STEAP3: variants seen among roughly 807,000 people sequenced by gnomAD.
STEAP3 encodes the protein STEAP3 metalloreductase.
In STEAP3, 35 loss-of-function variants were observed where a neutral mutation model predicts 34.9. That is an observed-to-expected ratio of 1.00 (90% CI 0.76 to 1.33). The LOEUF is 1.33. STEAP3 is among the 40% of genes most tolerant of loss of function. STEAP3 has a pLI of 0.00. For synonymous variants in STEAP3, 281 were observed against 301.6 expected, an observed-to-expected ratio of 0.93 and a Z score of 0.71; for missense variants, 652 against 667.6, an observed-to-expected ratio of 0.98 and a Z score of 0.26.
At chr2:119,251,622 A>C (rs1677628784) in intron 4 of STEAP3, among the ~76,000 whole-genome samples, 1 of 152,122 alleles carries the variant, frequency 6.6e-6, no homozygotes, top group South Asian at 2.1e-4. Context: ...CTCTCATCTG[A>C]CCATGTCACT....
intron 5 of STEAP3, among the ~76,000 whole-genome samples, chr2:119,262,798 G>A (rs1677980635): frequency 1.3e-5 from 2 of 152,204 alleles, no homozygotes; most frequent in Non-Finnish European, 1.5e-5. Context: ...TATGGAATCC[G>A]TGTGAATTGG....
intron 2 of STEAP3, among the ~76,000 whole-genome samples, chr2:119,235,338 A>T (rs1250852153): frequency 6.6e-6 from 1 of 152,184 alleles, no homozygotes; most frequent in African/African-American, 2.4e-5. Context: ...GACAGCATGG[A>T]TACTCGAAGC....
intron 5 of STEAP3, among the ~76,000 whole-genome samples, chr2:119,255,147 T>C (rs1311690945): frequency 6.6e-6 from 1 of 152,172 alleles, no homozygotes; most frequent in Non-Finnish European, 1.5e-5. Context: ...TTCTTGAGCT[T>C]TCCAAACAAA....
At chr2:119,243,841 G>T (rs1026562182) in intron 2 of STEAP3, among the ~76,000 whole-genome samples, 1 of 152,182 alleles carries the variant, frequency 6.6e-6, no homozygotes, top group Admixed American at 6.5e-5. Flanking sequence ...CCATCTTTAT[G>T]TCAGTCCCTG....
rs865997066 is a variant in STEAP3 at position 119,245,665 on chromosome 2, G to A, written c.199G>A (p.Gly67Arg). The change falls in exon 3 of 6, where the codon GGG becomes AGG. Residue 67 changes from glycine to arginine, a missense_variant. Coordinates refer to ENST00000393110, the MANE Select transcript of STEAP3 (RefSeq NM_182915.3). Reference sequence around the variant, plus strand: ...GGGCTCTGGCTTCAAAGTGGTGGTGGGGAGCCGCAACCCCAAACGCACAGC... The same window carrying A: ...GGGCTCTGGCTTCAAAGTGGTGGTGAGGAGCCGCAACCCCAAACGCACAGC... ...LVGSGFKVVV[G>R]SRNPKRTARL... 1 of 1,612,506 alleles carries A rather than the reference G, an allele frequency of 6.2e-7. No homozygotes were observed. The highest frequency in any genetic ancestry group is 8.5e-7 in the Non-Finnish European group (1 of 1,178,644).
intron 1 of STEAP3, among the ~76,000 whole-genome samples, chr2:119,228,660 G>C (rs573675206): frequency 6.6e-6 from 1 of 152,182 alleles, no homozygotes; most frequent in Admixed American, 6.5e-5. Context: ...ATCTGGGAAA[G>C]CCCTGCCCTC....
In STEAP3 at chr2:119,247,992, T is replaced by C; in HGVS notation, c.836T>C (p.Leu279Pro). 2 of 1,612,412 alleles carry C rather than the reference T, an allele frequency of 1.2e-6. No individual in the cohort carries two copies. The highest frequency in any genetic ancestry group is 1.7e-6 in the Non-Finnish European group (2 of 1,179,950). The stretch of plus-strand genomic sequence containing the variant: ...TGCGTGGCCTACGTGCTGCTGTCAC[T>C]CGTGTACTTGCCCGGCGTGCTGGCG... The part of the protein sequence containing the change: ...LPCVAYVLLS[L>P]VYLPGVLAAA... Residue 279 changes from leucine (L) to proline (P), a missense_variant, in exon 4 of 6, where the codon CTC (leucine) becomes CCC (proline). By Grantham distance (98) the Leu-to-Pro change is moderately conservative. Coordinates refer to ENST00000393110, the MANE Select transcript of STEAP3 (RefSeq NM_182915.3).
intron 1 of STEAP3, among the ~76,000 whole-genome samples, chr2:119,225,380 G>A (rs1364481771): frequency 6.6e-6 from 1 of 152,200 alleles, no homozygotes; most frequent in African/African-American, 2.4e-5. Flanking sequence ...AGCAGGTATG[G>A]AAGTGACACA....
chr2:119,251,188 G>A lies in STEAP3; in HGVS notation c.1050+2982G>A, dbSNP rs144329128. Among the ~76,000 whole-genome samples, 143 of 152,278 alleles carry A rather than the reference G, an allele frequency of 9.4e-4. 2 individuals carry two copies. The highest frequency in any genetic ancestry group is 3.2e-3 in the African/African-American group (133 of 41,552). On this transcript the variant is annotated intron_variant, in intron 4 of 5. Coordinates refer to ENST00000393110, the MANE Select transcript of STEAP3 (RefSeq NM_182915.3). ...CTGGGTGGCTCAGGCTTGATGTGTG[G>A]CTTCTGCTGCCAGCCCATGGGCACC... is the stretch of plus-strand genomic sequence containing the variant.
chr2:119,226,785 A>G (rs1010079007), intron 1 of STEAP3, among the ~76,000 whole-genome samples: 1 of 152,134 alleles, frequency 6.6e-6, no homozygotes, highest in African/African-American at 2.4e-5. Context: ...CATCACTGAC[A>G]TTCAGCCTCC....
At chr2:119,235,738 C>T (rs776426344) in intron 2 of STEAP3, among the ~76,000 whole-genome samples, 29 of 152,324 alleles carry the variant, frequency 1.9e-4, no homozygotes, top group Middle Eastern at 3.4e-3. Context: ...TCCAGTGAGA[C>T]GTATTGCTCT....
rs201835655 is a variant in STEAP3 at position 119,245,493 on chromosome 2, C to G, written c.27C>G (p.Thr9=). 1 of 1,576,698 alleles carries G rather than the reference C, an allele frequency of 6.3e-7. No individual in the cohort carries two copies. Among genetic ancestry groups the G allele is most frequent in the African/African-American group, 1.3e-5 (1 of 74,324 alleles). The part of the protein sequence containing the change: MSHQPAVA[T]KMPEEMDKPL... ...GGTTCCTGACTTCTCTTGCAGCCAC[C>G]AAAATGCCAGAAGAGATGGACAAGC... The change falls in exon 3 of 6, where the codon ACC becomes ACG. Residue 9 remains threonine, a synonymous_variant. Coordinates refer to ENST00000393110, the MANE Select transcript of STEAP3 (RefSeq NM_182915.3).
rs1365021487 is a variant in STEAP3, at chr2:119,254,807, A to G, written c.1174A>G (p.Ile392Val). The G allele has an allele frequency of 1.9e-6, 3 of 1,613,996 alleles. No individual in the cohort carries two copies. The highest frequency in any genetic ancestry group is 2.7e-5 in the African/African-American group (2 of 74,912). ...GCTGGCCGTGACCTCACTGCCGTCC[A>G]TTGCAAACTCGCTCAACTGGAGGGA... Reference protein sequence around the residue: ...SLLAVTSLPSIANSLNWREFS... With the variant: ...SLLAVTSLPSVANSLNWREFS... The change falls in exon 5 of 6, where the codon ATT becomes GTT. Residue 392 changes from isoleucine to valine, a missense_variant. Ile to Val is a conservative substitution (Grantham distance 29, BLOSUM62 3). Coordinates refer to ENST00000393110, the MANE Select transcript of STEAP3 (RefSeq NM_182915.3).
In STEAP3 at chr2:119,230,746, G is replaced by A. The variant is rs1573537790; in HGVS notation, c.-267G>A. The A allele has an allele frequency of 1.4e-5, 8 of 563,024 alleles. No homozygotes were observed. The highest frequency in any genetic ancestry group is 1.3e-4 in the South Asian group (6 of 46,006). 34.9% of individuals were successfully genotyped at this position (563,024 alleles called of 1,614,324 possible). On this transcript the variant is annotated 5_prime_UTR_variant, in exon 2 of 6. Coordinates refer to ENST00000393110, the MANE Select transcript of STEAP3 (RefSeq NM_182915.3). ...AGGTTTCCTCCCCGAGCAGGAAGCA[G>A]CAGGCCAGAGCTGCGCTCTCTCAGT...
intron 4 of STEAP3, 156 bp downstream of exon 4, chr2:119,248,362 C>T (rs972416394): frequency 3.7e-6 from 3 of 816,254 alleles, no homozygotes; most frequent in Non-Finnish European, 5.6e-6. Flanking sequence ...CCCACATCCT[C>T]CTGCCCAAGA....
At chr2:119,237,087 T>C (rs934988282) in intron 2 of STEAP3, among the ~76,000 whole-genome samples, 1 of 152,230 alleles carries the variant, frequency 6.6e-6, no homozygotes, top group Non-Finnish European at 1.5e-5. Flanking sequence ...GGTCTTTGTG[T>C]TGCTATAAAG....
At chr2:119,228,038 C>G (rs931320483) in intron 1 of STEAP3, among the ~76,000 whole-genome samples, 7 of 152,086 alleles carry the variant, frequency 4.6e-5, no homozygotes, top group African/African-American at 1.7e-4. Flanking sequence ...CCATGTTGGC[C>G]AGGCTGGTTT....
At chr2:119,238,939 C>G (rs989424325) in intron 2 of STEAP3, among the ~76,000 whole-genome samples, 5 of 152,126 alleles carry the variant, frequency 3.3e-5, no homozygotes, top group Admixed American at 6.5e-5. Flanking sequence ...GAACAACACA[C>G]AGCAATCTTG....
chr2:119,245,604 CG>C lies in STEAP3; in HGVS notation c.142del (p.Asp48ThrfsTer37). On this transcript the variant is annotated frameshift_variant, in exon 3 of 6. Transcript: ENST00000393110. LOFTEE classifies it high-confidence loss of function. Reference protein sequence around the residue: ...EAPKVGILGSGDFARSLATRL... With the variant: ...EAPKVGILGSXDFARSLATRL... The stretch of plus-strand genomic sequence containing the variant: ...CCCCCAAAGTGGGCATCCTGGGTAG[CG>C]GGGACTTTGCCCGCTCCCTGGCCAC... 1 of 1,609,188 alleles carries C rather than the reference CG, an allele frequency of 6.2e-7. No homozygotes were observed. The highest frequency in any genetic ancestry group is 8.5e-7 in the Non-Finnish European group (1 of 1,175,980).
Sources: allele counts gnomAD v4.1 joint callset (sites outside exome capture counted in the v4.1 genomes callset), GRCh38; gene constraint gnomAD v4.1.1; transcripts MANE v1.5; gene names NCBI Gene and HGNC (gene_info 2026-07-23, HGNC 2026-07-21).